The following CLTCL1 variants were observed in gnomAD, a reference collection of about 807,000 sequenced individuals.
The protein encoded by CLTCL1 is clathrin heavy chain like 1.
Under a neutral mutation model 190.0 loss-of-function variants are expected in CLTCL1, and 159 were observed. That is an observed-to-expected ratio of 0.84 (90% CI 0.74 to 0.95). The LOEUF (loss-of-function observed/expected upper bound fraction) is 0.95, where lower values mean the gene tolerates loss of function less well. Among genes scored for constraint, CLTCL1 ranks in the 40% least tolerant of loss-of-function variants. The probability of loss-of-function intolerance (pLI) is 0.00; values close to 1 mark genes in which losing one functional copy is unlikely to be tolerated. For missense variants in CLTCL1, 1,878 were observed against 2,033.4 expected, an observed-to-expected ratio of 0.92 and a Z score of 1.47; for synonymous variants, 752 against 769.6, an observed-to-expected ratio of 0.98 and a Z score of 0.38.
chr22:19,188,216 T>A (rs1250307083), intron 27 of CLTCL1, 125 bp from the exon 28 acceptor site: 1 of 806,676 alleles, frequency 1.2e-6, no homozygotes. Context: ...CAAGGGCACC[T>A]TCTGGACACC....
At chr22:19,245,555 G>C (rs2086394051) in intron 3 of CLTCL1, among the ~76,000 whole-genome samples, 1 of 152,094 alleles carries the variant, frequency 6.6e-6, no homozygotes, top group Non-Finnish European at 1.5e-5. Context: ...TAAAGTGTAT[G>C]ATTGAATGGC....
chr22:19,255,662 C>A (rs1027278694), intron 2 of CLTCL1, among the ~76,000 whole-genome samples: 3 of 152,038 alleles, frequency 2.0e-5, no homozygotes, highest in Admixed American at 2.0e-4. Context: ...GTAATCCCAG[C>A]ACTTTGGGAA....
chr22:19,275,076 T>G lies in CLTCL1; in HGVS notation c.250+547A>C, dbSNP rs782136494. Among the ~76,000 whole-genome samples the G allele has an allele frequency of 7.2e-5, 11 of 152,290 alleles. No homozygotes were observed. In the South Asian group the frequency reaches 8.3e-4, roughly 11 times the overall value. ...GTGATACTGCATTTCACACAAAACA[T>G]TAAGTCTACTGCATACATAATCCTT... On this transcript the variant is annotated intron_variant, in intron 2 of 32. Coordinates refer to ENST00000427926, the MANE Select transcript of CLTCL1 (RefSeq NM_007098.4).
Position 19,216,230 on chromosome 22 carries a change from T to C in CLTCL1, c.2946A>G (p.Thr982=), listed in dbSNP as rs1247027803. The part of the protein sequence containing the change: ...DQVVQTALSE[T]RDPEEISVTV... Reference sequence around the variant, plus strand: ...TGACCGAAATCTCTTCAGGATCCCGTGTTTCTGACAATGCTGTCTGTACCA... The same window carrying C: ...TGACCGAAATCTCTTCAGGATCCCGCGTTTCTGACAATGCTGTCTGTACCA... The change falls in exon 19 of 33, where the codon ACA becomes ACG. Residue 982 remains threonine, a synonymous_variant. Transcript: ENST00000427926. The C allele has an allele frequency of 1.2e-6, 2 of 1,613,998 alleles. No homozygotes were observed. The highest frequency in any genetic ancestry group is 3.3e-5 in the Admixed American group (2 of 60,024).
At chr22:19,191,486 C>A (rs2084504312) in intron 26 of CLTCL1, 51 bp from the exon 27 acceptor site, 1 of 1,598,386 alleles carries the variant, frequency 6.3e-7, no homozygotes, top group Non-Finnish European at 8.5e-7. Context: ...TCCAGATACC[C>A]CAGGGCTCCT....
At chr22:19,248,867 T>G (rs550102671) in intron 3 of CLTCL1, among the ~76,000 whole-genome samples, 59 of 152,294 alleles carry the variant, frequency 3.9e-4, no homozygotes, top group Admixed American at 9.1e-4. Context: ...TCTAAGAGTT[T>G]TATAGGTTCA....
At chr22:19,196,746 C>T in intron 24 of CLTCL1, 90 bp from the exon 25 acceptor site, 1 of 1,414,946 alleles carries the variant, frequency 7.1e-7, no homozygotes, top group South Asian at 1.3e-5. Flanking sequence ...AGGGACTGTG[C>T]TTGTGACTGG....
intron 3 of CLTCL1, among the ~76,000 whole-genome samples, chr22:19,247,835 A>G (rs1314524662): frequency 6.6e-6 from 1 of 151,738 alleles, no homozygotes; most frequent in Non-Finnish European, 1.5e-5. Context: ...TGCTGGGATT[A>G]AAGGTGTGAG....
Position 19,217,615 on chromosome 22 carries a change from CAAAAAAAAAAAA to C in CLTCL1, c.2920-1371_2920-1360del, listed in dbSNP as rs71184793. On this transcript the variant is annotated intron_variant, in intron 18 of 32. Transcript: ENST00000427926. ...TGAGTGACAAAGTAAGACTCTGTCT[CAAAAAAAAAAAA>C]AAAAAAAAAAAAGAGTTCGAGACCA... 2.3e-4 allele frequency among the ~76,000 whole-genome samples: 8 copies of C among 34,770 alleles called. 1 individual carries two copies. In the East Asian group the frequency reaches 7.5e-3, roughly 33 times the overall value. 22.8% of individuals were successfully genotyped at this position (34,770 alleles called of 152,430 possible).
intron 3 of CLTCL1, among the ~76,000 whole-genome samples, chr22:19,246,196 A>G (rs1309272455): frequency 6.6e-6 from 1 of 151,780 alleles, no homozygotes; most frequent in African/African-American, 2.4e-5. Context: ...AGTAGCTGGG[A>G]CTACAGGCGC....
intron 30 of CLTCL1, 180 bp from the exon 31 acceptor site, chr22:19,180,986 G>A: frequency 1.6e-6 from 1 of 607,926 alleles, no homozygotes; most frequent in Non-Finnish European, 3.0e-6. Context: ...ATGCAGCAAG[G>A]CATGGAGAGG....
chr22:19,234,839 C>CA, intron 6 of CLTCL1, 133 bp from the exon 7 acceptor site: 1 of 808,656 alleles, frequency 1.2e-6, no homozygotes, highest in Non-Finnish European at 2.0e-6. Context: ...TGATGGTGGC[C>CA]CTCACAGTGA....
rs2084070710 is a variant in CLTCL1, at chr22:19,179,928, A to G, written c.*62T>C. 1.9e-6 allele frequency: 1 copy of G among 518,436 alleles called. No homozygotes were observed. The highest frequency in any genetic ancestry group is 5.1e-4 in the Middle Eastern group (1 of 1,954). 32.1% of individuals were successfully genotyped at this position (518,436 alleles called of 1,614,324 possible). On this transcript the variant is annotated 3_prime_UTR_variant, in exon 33 of 33. Coordinates refer to ENST00000427926, the MANE Select transcript of CLTCL1 (RefSeq NM_007098.4). ...CTGGCGAAGTTGGGAGCAGAGGCAT[A>G]TCCATAGGGGAAGCTGGCAGGGGCT...
At chr22:19,245,603 T>A (rs1555967641) in intron 3 of CLTCL1, among the ~76,000 whole-genome samples, 1 of 152,186 alleles carries the variant, frequency 6.6e-6, no homozygotes, top group African/African-American at 2.4e-5. Context: ...CAAAACCTCA[T>A]CATAGTTCCA....
Position 19,180,215 on chromosome 22 carries a change from G to A in CLTCL1, c.*4C>T, listed in dbSNP as rs369241378. 9.3e-6 allele frequency: 15 copies of A among 1,613,696 alleles called. No homozygotes were observed. In the African/African-American group the frequency reaches 1.5e-4, roughly 16 times the overall value. On this transcript the variant is annotated 3_prime_UTR_variant, in exon 32 of 33. Coordinates refer to ENST00000427926, the MANE Select transcript of CLTCL1 (RefSeq NM_007098.4). ...GACACTTACTTAGTGCAATCAGCTG[G>A]GTCTCATTCATGCCCATCAAAATCT... is the stretch of plus-strand genomic sequence containing the variant.
At chr22:19,281,989 T>G (rs1336434953) in intron 1 of CLTCL1, among the ~76,000 whole-genome samples, 1 of 152,138 alleles carries the variant, frequency 6.6e-6, no homozygotes, top group Non-Finnish European at 1.5e-5. Flanking sequence ...CAGATTAAAT[T>G]AAGACAGTAG....
At chr22:19,236,425 T>G (rs1393238226) in intron 5 of CLTCL1, among the ~76,000 whole-genome samples, 2 of 152,162 alleles carry the variant, frequency 1.3e-5, no homozygotes, top group Non-Finnish European at 2.9e-5. Flanking sequence ...CTACCACCAC[T>G]TATTAACCTT....
rs375031291 is a variant in CLTCL1 at position 19,235,117 on chromosome 22, G to C, written c.970-411C>G. 1.2e-4 allele frequency among the ~76,000 whole-genome samples: 18 copies of C among 151,450 alleles called. 1 individual carries two copies. In the East Asian group the frequency reaches 1.6e-3, roughly 13 times the overall value. On this transcript the variant is annotated intron_variant, in intron 6 of 32. Coordinates refer to ENST00000427926, the MANE Select transcript of CLTCL1 (RefSeq NM_007098.4). ...ACTCCTAGCCTCAAGCAATCCTCCT[G>C]TCTCAGCCTTCCAAAGTGCTGGGAT... is the stretch of plus-strand genomic sequence containing the variant.
chr22:19,213,574 C>A (rs1003952988), intron 19 of CLTCL1, among the ~76,000 whole-genome samples: 44 of 152,166 alleles, frequency 2.9e-4, no homozygotes, highest in African/African-American at 8.9e-4. Flanking sequence ...ATTCGTACAA[C>A]AGAATATCAT....
Sources: gnomAD v4.1 joint callset for allele counts (sites outside exome capture counted in the v4.1 genomes callset) on GRCh38, gnomAD v4.1.1 for gene constraint, MANE v1.5 for transcripts, NCBI Gene and HGNC (gene_info 2026-07-23, HGNC 2026-07-21) for gene names.